CAMK2G: variants seen among roughly 807,000 people sequenced by gnomAD.
CAMK2G encodes the protein calcium/calmodulin-dependent protein kinase type II subunit gamma.
Under a neutral mutation model 88.7 loss-of-function variants are expected in CAMK2G, and 23 were observed. That is an observed-to-expected ratio of 0.26 (90% CI 0.19 to 0.37). The LOEUF is 0.37. Ranked by LOEUF, CAMK2G falls within the 10% of genes least tolerant of loss-of-function variation. CAMK2G has a pLI of 1.00. For missense variants in CAMK2G, 476 were observed against 780.8 expected, an observed-to-expected ratio of 0.61 and a Z score of 4.65; for synonymous variants, 263 against 294.8, an observed-to-expected ratio of 0.89 and a Z score of 1.11.
chr10:73,873,780 G>A (rs1435438396), intron 1 of CAMK2G, among the ~76,000 whole-genome samples: 14 of 136,532 alleles, frequency 1.0e-4, no homozygotes, highest in Admixed American at 2.8e-4. Context: ...GCGGGTGGGG[G>A]TGGGGGGCCG....
rs753991168 is a variant in CAMK2G, at chr10:73,847,970, C to T, written c.696+18G>A. On this transcript the variant is annotated intron_variant, in intron 9 of 22. Coordinates refer to ENST00000423381, the MANE Select transcript of CAMK2G (RefSeq NM_001367534.1). ...ATCTGCCCTTCCTGGCCTGGCTGCC[C>T]GGCTCTCTGGTCCTTACATCATAGG... 9 of 1,520,538 alleles carry T rather than the reference C, an allele frequency of 5.9e-6. No homozygotes were observed. The highest frequency in any genetic ancestry group is 4.1e-5 in the African/African-American group (3 of 73,140). The allele number at this position is 1,520,538 out of a possible 1,614,324, so 94.2% of individuals were successfully genotyped here.
intron 10 of CAMK2G, 32 bp downstream of exon 10, chr10:73,847,191 CCT>C (rs1218824419): frequency 6.2e-7 from 1 of 1,611,986 alleles, no homozygotes; most frequent in Non-Finnish European, 8.5e-7. Context: ...GGCTGACACC[CCT>C]GAGCTCCTTG....
chr10:73,865,566 A>G (rs759391377), intron 2 of CAMK2G, among the ~76,000 whole-genome samples: 1 of 152,180 alleles, frequency 6.6e-6, no homozygotes, highest in South Asian at 2.1e-4. Flanking sequence ...AAAAAAGCAG[A>G]GGGTCCATCC....
At position 73,822,894 on chromosome 10, in the gene CAMK2G, C is replaced by T. The variant is rs929401821; in HGVS notation, c.1200+1146G>A. ...TTTTCATTTTTTAGATGGAGTCTTG[C>T]TCTGTCGCCCAGGCTGAAGTGCAGT... On this transcript the variant is annotated intron_variant, in intron 17 of 22. Transcript: ENST00000423381. 2.6e-5 allele frequency among the ~76,000 whole-genome samples: 4 copies of T among 152,174 alleles called. No homozygotes were observed. In the East Asian group the frequency reaches 5.8e-4, roughly 22 times the overall value.
Position 73,839,703 on chromosome 10 carries a change from A to G in CAMK2G, c.947-102T>C, listed in dbSNP as rs543953713. 1,452 of 668,094 alleles carry G rather than the reference A, an allele frequency of 2.2e-3. 18 individuals carry two copies. In the African/African-American group the frequency reaches 0.025, roughly 12 times the overall value. The allele number at this position is 668,094 out of a possible 1,614,324, so 41.4% of individuals were successfully genotyped here. ...GAGGCGCAGCCCAGGCGGCGTGGCCAAGCCAGCCGAGCTGGGGGAGCGGAG... is the reference window on the plus strand; with the variant it reads ...GAGGCGCAGCCCAGGCGGCGTGGCCGAGCCAGCCGAGCTGGGGGAGCGGAG... On this transcript the variant is annotated intron_variant, in intron 12 of 22. Transcript: ENST00000423381. The surrounding 1 kb of genome is among the most constrained non-coding windows in gnomAD (Gnocchi z 4.2).
chr10:73,859,360 G>A (rs1374799014), intron 3 of CAMK2G, among the ~76,000 whole-genome samples: 3 of 152,230 alleles, frequency 2.0e-5, no homozygotes, highest in Non-Finnish European at 2.9e-5. Flanking sequence ...CTGGAAAGGC[G>A]GGGGAATAGA....
chr10:73,860,736 C>G (rs1405665212), intron 3 of CAMK2G, 94 bp downstream of exon 3: 3 of 912,790 alleles, frequency 3.3e-6, no homozygotes, highest in Non-Finnish European at 5.4e-6. Flanking sequence ...TGAAGGTCCA[C>G]AGACAGAGGT....
At chr10:73,832,880 G>T (rs2092666135) in intron 14 of CAMK2G, among the ~76,000 whole-genome samples, 1 of 151,832 alleles carries the variant, frequency 6.6e-6, no homozygotes, top group South Asian at 2.1e-4. Context: ...ACAGCCTCCT[G>T]AGTAGCTGGG....
chr10:73,843,848 C>CTCCAAA (rs2134513011), intron 10 of CAMK2G, among the ~76,000 whole-genome samples: 1 of 152,290 alleles, frequency 6.6e-6, no homozygotes, highest in Non-Finnish European at 1.5e-5. Flanking sequence ...GAGAGGTCAT[C>CTCCAAA]AGCAAGAACC....
chr10:73,814,707 C>T (rs1406987815), intron 22 of CAMK2G: 1 of 377,610 alleles, frequency 2.6e-6, no homozygotes, highest in Non-Finnish European at 5.0e-6. Flanking sequence ...CTTACTTAAT[C>T]CTCACAATGA....
intron 3 of CAMK2G, among the ~76,000 whole-genome samples, chr10:73,860,341 G>T (rs773093590): frequency 1.2e-4 from 18 of 152,142 alleles, no homozygotes; most frequent in Non-Finnish European, 1.9e-4. Context: ...GAGCCAGGCA[G>T]GGGGGCAGCT....
chr10:73,861,497 A>C (rs773019560), intron 2 of CAMK2G, among the ~76,000 whole-genome samples: 1 of 152,186 alleles, frequency 6.6e-6, no homozygotes, highest in Non-Finnish European at 1.5e-5. Flanking sequence ...CTGGGATTAC[A>C]GGCACACACC....
intron 2 of CAMK2G, among the ~76,000 whole-genome samples, chr10:73,862,505 T>C (rs1458582356): frequency 1.3e-5 from 2 of 152,166 alleles, no homozygotes; most frequent in Non-Finnish European, 2.9e-5. Flanking sequence ...ACTGACTACA[T>C]GTCAGGCAGA....
In CAMK2G at chr10:73,819,594, G is replaced by A; in HGVS notation, c.1301C>T (p.Ser434Phe). The change falls in exon 19 of 23, where the codon TCC becomes TTC. Residue 434 changes from serine to phenylalanine, a missense_variant. Around this residue, in one of 3 missense-constraint regions of CAMK2G, gnomAD observed 278 missense variants for 366.5 expected, o/e 0.76. Coordinates refer to ENST00000423381, the MANE Select transcript of CAMK2G (RefSeq NM_001367534.1). ...TGCAGAGGGGGCTGTTCTGTCCCGG[G>A]AGCTCCGTCCTTCAGGCACCGAGCT... ...NGSSVPEGRS[S>F]RDRTAPSAGM... The A allele has an allele frequency of 6.5e-7, 1 of 1,548,276 alleles. No homozygotes were observed. Among genetic ancestry groups the A allele is most frequent in the East Asian group, 2.4e-5 (1 of 40,924 alleles).
chr10:73,820,112 C>A (rs1006948232), intron 18 of CAMK2G, among the ~76,000 whole-genome samples: 1 of 152,162 alleles, frequency 6.6e-6, no homozygotes, highest in African/African-American at 2.4e-5. Flanking sequence ...TTGGTGCCCC[C>A]TTGCCACCCA....
At chr10:73,867,999 G>A (rs796252237) in intron 2 of CAMK2G, among the ~76,000 whole-genome samples, 16 of 152,286 alleles carry the variant, frequency 1.1e-4, no homozygotes, top group African/African-American at 3.9e-4. Context: ...ATGGGTAGGT[G>A]ACAAAGGGGC....
chr10:73,825,316 C>A lies in CAMK2G; in HGVS notation c.1118G>T (p.Ser373Ile). ...CAAGGGCGCGGGCTCTTGGGCTGGG[C>A]TTACGAGACTGTTTTTGTTGTTGCT... ...PQSNNKNSLVSPAQEPAPLQT... is the reference protein window; with the variant it reads ...PQSNNKNSLVIPAQEPAPLQT... The change falls in exon 16 of 23, where the codon AGC becomes ATC. Residue 373 changes from serine to isoleucine, a missense_variant. By Grantham distance (142) the Ser-to-Ile change is moderately radical. Coordinates refer to ENST00000423381, the MANE Select transcript of CAMK2G (RefSeq NM_001367534.1). 1 of 1,614,058 alleles carries A rather than the reference C, an allele frequency of 6.2e-7. No homozygotes were observed. Among genetic ancestry groups the A allele is most frequent in the African/African-American group, 1.3e-5 (1 of 75,046 alleles).
At position 73,848,915 on chromosome 10, in the gene CAMK2G, C is replaced by A; in HGVS notation, c.517+98G>T. On this transcript the variant is annotated intron_variant, in intron 7 of 22. Coordinates refer to ENST00000423381, the MANE Select transcript of CAMK2G (RefSeq NM_001367534.1). The surrounding 1 kb of genome is among the most constrained non-coding windows in gnomAD (Gnocchi z 4.5). ...CCAAGAGAGATCTCGGAGGCCAGGA[C>A]CATTAAGGGTCTGGCTTCTAGTTCT... The A allele has an allele frequency of 1.2e-6, 1 of 829,804 alleles. No homozygotes were observed. The highest frequency in any genetic ancestry group is 2.1e-6 in the Non-Finnish European group (1 of 467,684). The allele number at this position is 829,804 out of a possible 1,614,324, so 51.4% of individuals were successfully genotyped here.
Position 73,819,551 on chromosome 10 carries a change from A to G in CAMK2G, c.1344T>C (p.Pro448=). The G allele has an allele frequency of 6.5e-7, 1 of 1,549,448 alleles. No individual in the cohort carries two copies. The highest frequency in any genetic ancestry group is 1.2e-5 in the South Asian group (1 of 84,002). Residue 448 remains proline, a synonymous_variant, in exon 19 of 23, where the codon CCT becomes CCC. Coordinates refer to ENST00000423381, the MANE Select transcript of CAMK2G (RefSeq NM_001367534.1). ...TAPSAGMQPQ[P]SLCSSAMRKQ... ...ACTTACTGGCTGAGGAGCAGAGAGA[A>G]GGCTGGGGCTGCATGCCTGCAGAGG... is the stretch of plus-strand genomic sequence containing the variant.
Sources: gnomAD v4.1 joint callset for allele counts (sites outside exome capture counted in the v4.1 genomes callset) on GRCh38, gnomAD v4.1.1 for gene constraint, gnomAD v4.1.1 regional missense constraint, Gnocchi (gnomAD v3.1) non-coding constraint, MANE v1.5 for transcripts, NCBI Gene and HGNC (gene_info 2026-07-23, HGNC 2026-07-21) for gene names.